Variants in RBFOX1 observed in about 807,000 individuals in gnomAD.
RBFOX1 encodes the protein RNA binding fox-1 homolog 1.
In RBFOX1, 8 loss-of-function variants were observed where a neutral mutation model predicts 57.7. The ratio of observed to expected loss-of-function variants is 0.14; its 90% CI spans 0.08 to 0.25. The LOEUF is 0.25. Ranked by LOEUF, RBFOX1 falls within the 10% of genes least tolerant of loss-of-function variation. RBFOX1 has a pLI of 1.00. For synonymous variants in RBFOX1, 326 were observed against 222.4 expected (o/e 1.47, Z -4.15); for missense variants, 611 against 548.5 (o/e 1.11, Z -1.14).
At chr16:7,025,185 T>C (rs1354450365) in intron 3 of RBFOX1, among the ~76,000 whole-genome samples, 1 of 152,166 alleles carries the variant, frequency 6.6e-6, no homozygotes. Context: ...GGTTATTTCT[T>C]GATGATATGC....
chr16:5,919,797 G>A (rs1567147902), intron 4 of RBFOX1, among the ~76,000 whole-genome samples: 1 of 152,068 alleles, frequency 6.6e-6, no homozygotes, highest in African/African-American at 2.4e-5. Flanking sequence ...CACAGCCCTG[G>A]AAGTTACTCA....
At chr16:7,033,731 T>A (rs570148526) in intron 3 of RBFOX1, among the ~76,000 whole-genome samples, 2 of 152,266 alleles carry the variant, frequency 1.3e-5, no homozygotes, top group East Asian at 1.9e-4. Context: ...TGGCGACTTA[T>A]GCCTGTAATC....
intron 3 of RBFOX1, among the ~76,000 whole-genome samples, chr16:5,790,892 A>C: frequency 7.0e-6 from 1 of 143,670 alleles, no homozygotes; most frequent in Non-Finnish European, 1.5e-5. Context: ...TTTTTGAGAC[A>C]TGATTTCACT....
chr16:5,740,622 C>G (rs1044225972), intron 3 of RBFOX1, among the ~76,000 whole-genome samples: 4 of 152,156 alleles, frequency 2.6e-5, no homozygotes, highest in African/African-American at 7.2e-5. Flanking sequence ...TCAGGCATAG[C>G]TGGATCCAGG....
chr16:5,573,790 C>CTACAACATGGCAAGATATG (rs2151138515), intron 2 of RBFOX1, among the ~76,000 whole-genome samples: 1 of 152,122 alleles, frequency 6.6e-6, no homozygotes, highest in East Asian at 1.9e-4. Context: ...GGCAAGATAT[C>CTACAACATGGCAAGATATG]ATATCTACAA....
chr16:7,056,172 C>T (rs924695349), intron 4 of RBFOX1, among the ~76,000 whole-genome samples: 1 of 152,138 alleles, frequency 6.6e-6, no homozygotes, highest in Non-Finnish European at 1.5e-5. Flanking sequence ...AGCTTCCTGT[C>T]CCCTACCCTT....
At chr16:6,004,808 T>A (rs2060664868) in intron 4 of RBFOX1, among the ~76,000 whole-genome samples, 1 of 152,298 alleles carries the variant, frequency 6.6e-6, no homozygotes, top group African/African-American at 2.4e-5. Context: ...TGTAAATCAT[T>A]CCATCTGACA....
intron 2 of RBFOX1, among the ~76,000 whole-genome samples, chr16:6,348,974 C>T (rs1052948193): frequency 1.3e-5 from 2 of 152,132 alleles, no homozygotes; most frequent in Admixed American, 6.5e-5. Context: ...GGAAGTCAAG[C>T]GCTTCAAAAG....
intron 3 of RBFOX1, among the ~76,000 whole-genome samples, chr16:5,816,629 A>G (rs1376504262): frequency 6.6e-6 from 1 of 152,108 alleles, no homozygotes; most frequent in East Asian, 1.9e-4. Context: ...ATAAAAAAAT[A>G]CAAAATTAGC....
chr16:7,539,168 CT>C (rs2082260087), intron 5 of RBFOX1, among the ~76,000 whole-genome samples: 1 of 152,136 alleles, frequency 6.6e-6, no homozygotes, highest in Admixed American at 6.6e-5. Flanking sequence ...GTGAAACCGT[CT>C]TGAGTCCACC....
In RBFOX1 at chr16:5,669,625, G is replaced by A. The variant is rs2151413472; in HGVS notation, c.318+70664G>A. On this transcript the variant is annotated intron_variant, in intron 3 of 19. Coordinates refer to the RBFOX1 transcript ENST00000641259. ...ATTAGAGACGGGGTTTCACCATGTT[G>A]GCCAGGATGGTCTTGTTCTCCTGAC... 2.6e-5 allele frequency among the ~76,000 whole-genome samples: 4 copies of A among 152,138 alleles called. 1 individual carries two copies. Among genetic ancestry groups the A allele is most frequent in the Middle Eastern group, 3.4e-3 (1 of 294 alleles).
intron 3 of RBFOX1, among the ~76,000 whole-genome samples, chr16:5,629,630 C>G (rs1156405346): frequency 6.6e-6 from 1 of 152,178 alleles, no homozygotes; most frequent in Non-Finnish European, 1.5e-5. Context: ...GTCCGTGGTG[C>G]CTGCTTGGGG....
chr16:6,607,322 C>T (rs758170220), intron 2 of RBFOX1, among the ~76,000 whole-genome samples: 12 of 152,122 alleles, frequency 7.9e-5, no homozygotes, highest in Non-Finnish European at 1.5e-4. Context: ...CCTTAAAAAT[C>T]AAGCATTAGG....
chr16:7,699,996 C>G (rs991822821), intron 14 of RBFOX1, among the ~76,000 whole-genome samples: 2 of 152,070 alleles, frequency 1.3e-5, no homozygotes, highest in African/African-American at 2.4e-5. Flanking sequence ...CCTCCTGGTG[C>G]TAGGTGGGTG....
chr16:6,633,502 C>A (rs563244417), intron 2 of RBFOX1, among the ~76,000 whole-genome samples: 1 of 152,046 alleles, frequency 6.6e-6, no homozygotes, highest in Admixed American at 6.6e-5. Context: ...CCATGTTGAG[C>A]CGGCTGATCT....
intron 4 of RBFOX1, among the ~76,000 whole-genome samples, chr16:7,363,722 C>A (rs1171947466): frequency 6.6e-6 from 1 of 152,104 alleles, no homozygotes. Context: ...TTGCTTACGG[C>A]TAAGTACATT....
chr16:6,936,041 GC>G (rs2077315049), intron 3 of RBFOX1, among the ~76,000 whole-genome samples: 2 of 152,162 alleles, frequency 1.3e-5, no homozygotes, highest in South Asian at 4.1e-4. Context: ...TCTTCTCAAT[GC>G]GCAAGAGTAT....
intron 1 of RBFOX1, among the ~76,000 whole-genome samples, chr16:5,362,482 TCTCCCGAGTAG>T (rs2065580793): frequency 1.3e-5 from 2 of 152,098 alleles, no homozygotes. Flanking sequence ...CCTGCCTCAG[TCTCCCGAGTAG>T]CTGGGATTAC....
intron 1 of RBFOX1, among the ~76,000 whole-genome samples, chr16:5,406,327 G>A (rs13337877): frequency 0.16 from 23,965 of 152,036 alleles, 2,002 homozygotes; most frequent in Middle Eastern, 0.22. Flanking sequence ...TCCGTCAAAG[G>A]TCTGAATAGA....
Sources: gnomAD v4.1 joint callset for allele counts (sites outside exome capture counted in the v4.1 genomes callset) on GRCh38, gnomAD v4.1.1 for gene constraint, MANE v1.5 for transcripts, NCBI Gene and HGNC (gene_info 2026-07-23, HGNC 2026-07-21) for gene names.